CRTC1: variants seen among roughly 807,000 people sequenced by gnomAD.
The protein encoded by CRTC1 is CREB-regulated transcription coactivator 1.
CRTC1 carries 18 observed loss-of-function variants against 66.1 expected under a neutral mutation model. That is an observed-to-expected ratio of 0.27 (90% CI 0.19 to 0.40). The LOEUF (loss-of-function observed/expected upper bound fraction) is 0.40, where lower values mean the gene tolerates loss of function less well. Ranked by LOEUF, CRTC1 falls within the 10% of genes least tolerant of loss-of-function variation. CRTC1 has a pLI of 1.00. For missense variants in CRTC1, 669 were observed against 887.9 expected, an observed-to-expected ratio of 0.75 and a Z score of 3.13; for synonymous variants, 416 against 398.8, an observed-to-expected ratio of 1.04 and a Z score of -0.51.
chr19:18,709,712 T>G (rs2053345471), intron 1 of CRTC1, among the ~76,000 whole-genome samples: 1 of 152,066 alleles, frequency 6.6e-6, no homozygotes, highest in Non-Finnish European at 1.5e-5. Context: ...CTGGGCGGGC[T>G]TCCTCATGCT....
At chr19:18,738,763 A>G (rs111755745) in intron 1 of CRTC1, among the ~76,000 whole-genome samples, 36,923 of 152,184 alleles carry the variant, frequency 0.24, 4,947 homozygotes, top group African/African-American at 0.36. Flanking sequence ...TCGCGCCATT[A>G]CACTCCAGCT....
At chr19:18,700,596 C>T (rs2053112381) in intron 1 of CRTC1, among the ~76,000 whole-genome samples, 1 of 152,228 alleles carries the variant, frequency 6.6e-6, no homozygotes, top group Non-Finnish European at 1.5e-5. Flanking sequence ...CTTCCCGTTT[C>T]CTCTGCATCT....
chr19:18,685,608 G>C (rs557503184), intron 1 of CRTC1, among the ~76,000 whole-genome samples: 71 of 152,306 alleles, frequency 4.7e-4, no homozygotes, highest in Admixed American at 9.2e-4. Flanking sequence ...AGTGAGCCGA[G>C]ATCATGTTAC....
chr19:18,715,405 C>A (rs1405907118), intron 1 of CRTC1, among the ~76,000 whole-genome samples: 1 of 152,218 alleles, frequency 6.6e-6, no homozygotes, highest in Admixed American at 6.5e-5. Context: ...TACCCCTTCT[C>A]TTCTCTTCTA....
intron 8 of CRTC1, among the ~76,000 whole-genome samples, chr19:18,764,845 A>G (rs2054693694): frequency 6.6e-6 from 1 of 152,214 alleles, no homozygotes; most frequent in Non-Finnish European, 1.5e-5. Flanking sequence ...AAGGAGGGCA[A>G]GATCCACGAG....
At position 18,755,113 on chromosome 19, in the gene CRTC1, C is replaced by T. The variant is rs149584763; in HGVS notation, c.624+1528C>T. ...AAGTGATTCTCCTGCCTCAGCCTCC[C>T]GAGTAGTTGGGGTCACAGGCGTGTG... On this transcript the variant is annotated intron_variant, in intron 6 of 13. Coordinates refer to ENST00000321949, the MANE Select transcript of CRTC1 (RefSeq NM_015321.3). Among the ~76,000 whole-genome samples the T allele has an allele frequency of 2.1e-3, 313 of 150,492 alleles. 1 individual carries two copies. The highest frequency in any genetic ancestry group is 7.2e-3 in the African/African-American group (294 of 40,992).
intron 1 of CRTC1, among the ~76,000 whole-genome samples, chr19:18,702,783 C>T (rs1327008664): frequency 6.6e-6 from 1 of 152,038 alleles, no homozygotes; most frequent in Non-Finnish European, 1.5e-5. Flanking sequence ...ATCCACCTGC[C>T]TCGGCCCCCC....
chr19:18,782,004 A>G lies in CRTC1; in HGVS notation c.*4622A>G. On this transcript the variant is annotated 3_prime_UTR_variant, in exon 14 of 14. Coordinates refer to ENST00000321949, the MANE Select transcript of CRTC1 (RefSeq NM_015321.3). ...AGGCCTGGGGAGGGAGGGCTTTGGC[A>G]GCCAAAGTCCACTGGCCCTGCCGTG... 1 of 229,340 alleles carries G rather than the reference A, an allele frequency of 4.4e-6. No individual in the cohort carries two copies. The allele number at this position is 229,340 out of a possible 1,614,324, so 14.2% of individuals were successfully genotyped here.
At chr19:18,701,417 A>G (rs2053137064) in intron 1 of CRTC1, among the ~76,000 whole-genome samples, 1 of 152,224 alleles carries the variant, frequency 6.6e-6, no homozygotes, top group Non-Finnish European at 1.5e-5. Flanking sequence ...ACCTTGAAAG[A>G]TGCCTGCTTG....
At chr19:18,775,545 G>A in intron 12 of CRTC1, 96 bp from the exon 13 acceptor site, 1 of 1,148,644 alleles carries the variant, frequency 8.7e-7, no homozygotes, top group Non-Finnish European at 1.2e-6. Flanking sequence ...AGAGTCCCCA[G>A]CTGCGGGCAG....
chr19:18,766,010 T>C (rs1198083161), intron 9 of CRTC1, among the ~76,000 whole-genome samples: 1 of 152,190 alleles, frequency 6.6e-6, no homozygotes, highest in African/African-American at 2.4e-5. Flanking sequence ...TTCAATTTGC[T>C]GTATTTGCTT....
Position 18,765,485 on chromosome 19 carries a change from A to C in CRTC1, c.968A>C (p.Gln323Pro), listed in dbSNP as rs758042166. The C allele has an allele frequency of 5.6e-6, 9 of 1,610,892 alleles. No homozygotes were observed. Among genetic ancestry groups the C allele is most frequent in the Middle Eastern group, 1.6e-4 (1 of 6,062 alleles). Residue 323 changes from glutamine (Q) to proline (P), a missense_variant, in exon 9 of 14, where the codon CAG (glutamine) becomes CCG (proline). Gln to Pro is a moderately conservative substitution (Grantham distance 76, BLOSUM62 -1). Around this residue, in one of 8 missense-constraint regions of CRTC1, gnomAD observed 241 missense variants for 242.2 expected, o/e 0.99. Coordinates refer to ENST00000321949, the MANE Select transcript of CRTC1 (RefSeq NM_015321.3). The stretch of plus-strand genomic sequence containing the variant: ...TCCCTGAGCACAGAGGCAAGGCGTC[A>C]GCAGGCATCGCCCACCCTGTCCCCG... The part of the protein sequence containing the change: ...PLSLSTEARR[Q>P]QASPTLSPLS...
At chr19:18,710,565 C>T (rs945788786) in intron 1 of CRTC1, among the ~76,000 whole-genome samples, 8 of 152,200 alleles carry the variant, frequency 5.3e-5, no homozygotes, top group Non-Finnish European at 7.3e-5. Flanking sequence ...GAGGGTCACA[C>T]TCTCAGGCAC....
intron 1 of CRTC1, among the ~76,000 whole-genome samples, chr19:18,724,421 G>C (rs564904070): frequency 6.6e-6 from 1 of 152,168 alleles, no homozygotes; most frequent in East Asian, 1.9e-4. Flanking sequence ...GCACCTATTG[G>C]GACTGGGGGG....
chr19:18,738,517 C>G (rs11883356), intron 1 of CRTC1, among the ~76,000 whole-genome samples: 1 of 151,902 alleles, frequency 6.6e-6, no homozygotes, highest in East Asian at 2.0e-4. Context: ...GAAAGGAGAG[C>G]TGAGCCAGGC....
At chr19:18,773,570 C>T (rs1013211903) in intron 11 of CRTC1, among the ~76,000 whole-genome samples, 4 of 152,206 alleles carry the variant, frequency 2.6e-5, no homozygotes, top group Admixed American at 2.0e-4. Context: ...CAGACCAGCT[C>T]TACGACAGCC....
intron 1 of CRTC1, among the ~76,000 whole-genome samples, chr19:18,688,814 A>G (rs1172389179): frequency 6.6e-6 from 1 of 152,048 alleles, no homozygotes; most frequent in East Asian, 1.9e-4. Flanking sequence ...TAGTATATTC[A>G]CATTTGCACA....
chr19:18,777,452 C>T lies in CRTC1; in HGVS notation c.*70C>T. ...TCCCCAGCCCGGGGACGGCCGTGCTCCGTCCCTCGCCAACGGCCGAGCTTG... is the reference window on the plus strand; with the variant it reads ...TCCCCAGCCCGGGGACGGCCGTGCTTCGTCCCTCGCCAACGGCCGAGCTTG... On this transcript the variant is annotated 3_prime_UTR_variant, in exon 14 of 14. Transcript: ENST00000321949. The surrounding 1 kb of genome is among the most constrained non-coding windows in gnomAD (Gnocchi z 5.5). The T allele has an allele frequency of 7.2e-7, 1 of 1,380,914 alleles. No individual in the cohort carries two copies. Among genetic ancestry groups the T allele is most frequent in the Non-Finnish European group, 1.0e-6 (1 of 983,336 alleles). The allele number at this position is 1,380,914 out of a possible 1,614,324, so 85.5% of individuals were successfully genotyped here.
At chr19:18,691,208 AAAAG>A (rs1206671315) in intron 1 of CRTC1, among the ~76,000 whole-genome samples, 6 of 151,352 alleles carry the variant, frequency 4.0e-5, no homozygotes, top group African/African-American at 9.7e-5. Context: ...AAAAAAAAGA[AAAAG>A]AAAAAGGAAA....
Sources: allele counts gnomAD v4.1 joint callset (sites outside exome capture counted in the v4.1 genomes callset), GRCh38; gene constraint gnomAD v4.1.1; regional missense constraint gnomAD v4.1.1; non-coding constraint Gnocchi (gnomAD v3.1); transcripts MANE v1.5; gene names NCBI Gene and HGNC (gene_info 2026-07-23, HGNC 2026-07-21).